Variants in TLK1 observed in about 807,000 individuals in gnomAD.
The protein encoded by TLK1 is serine/threonine-protein kinase tousled-like 1.
Under a neutral mutation model 105.3 loss-of-function variants are expected in TLK1, and 24 were observed. That is an observed-to-expected ratio of 0.23 (90% CI 0.17 to 0.32). TLK1 has a LOEUF of 0.32. Ranked by LOEUF, TLK1 falls within the 10% of genes least tolerant of loss-of-function variation. The pLI is 1.00. For synonymous variants in TLK1, 321 were observed against 310.4 expected, an observed-to-expected ratio of 1.03 and a Z score of -0.36; for missense variants, 558 against 910.5, an observed-to-expected ratio of 0.61 and a Z score of 4.98.
chr2:171,182,345 C>T lies in TLK1; in HGVS notation c.-6+48800G>A, dbSNP rs574742575. 6.6e-5 allele frequency among the ~76,000 whole-genome samples: 10 copies of T among 152,168 alleles called. No individual in the cohort carries two copies. In the South Asian group the frequency reaches 2.1e-3, roughly 32 times the overall value. On this transcript the variant is annotated intron_variant, in intron 1 of 20. Coordinates refer to the TLK1 transcript ENST00000521943. The stretch of plus-strand genomic sequence containing the variant: ...AATTTCTCAGAAACCTGGCATATAC[C>T]ATCTTAATCAACTGATCAAATTAAT...
intron 1 of TLK1, among the ~76,000 whole-genome samples, chr2:171,137,875 G>A (rs6710714): frequency 0.39 from 58,233 of 150,710 alleles, 12,470 homozygotes; most frequent in African/African-American, 0.55. Flanking sequence ...AAATAAAAAA[G>A]TAAAAAATAA....
intron 11 of TLK1, among the ~76,000 whole-genome samples, chr2:171,040,802 C>G (rs1406576735): frequency 6.6e-6 from 1 of 152,048 alleles, no homozygotes; most frequent in African/African-American, 2.4e-5. Context: ...GTCTCAAACT[C>G]CTAGGCTCAA....
intron 3 of TLK1, among the ~76,000 whole-genome samples, chr2:171,080,386 A>C (rs1228326087): frequency 6.6e-6 from 1 of 151,736 alleles, no homozygotes; most frequent in African/African-American, 2.4e-5. Flanking sequence ...TCTATCCTGC[A>C]ACTGTTTCTT....
At chr2:171,075,033 AAAG>A (rs1688438444) in intron 3 of TLK1, among the ~76,000 whole-genome samples, 1 of 152,236 alleles carries the variant, frequency 6.6e-6, no homozygotes, top group South Asian at 2.1e-4. Flanking sequence ...TTAAAAAAAA[AAAG>A]ATTTCTCCAG....
At chr2:171,090,661 T>G (rs1371504737) in intron 2 of TLK1, among the ~76,000 whole-genome samples, 2 of 152,236 alleles carry the variant, frequency 1.3e-5, no homozygotes, top group African/African-American at 4.8e-5. Context: ...GTATTAATTC[T>G]TTGGAGACTA....
intron 1 of TLK1, among the ~76,000 whole-genome samples, chr2:171,138,526 A>G (rs1400718718): frequency 2.0e-5 from 3 of 152,226 alleles, no homozygotes. Flanking sequence ...GAAGAAAATT[A>G]GTCCAAAGAA....
chr2:171,224,718 A>G (rs1693867881), intron 1 of TLK1, among the ~76,000 whole-genome samples: 1 of 152,192 alleles, frequency 6.6e-6, no homozygotes, highest in Admixed American at 6.5e-5. Flanking sequence ...CCTAAAATTT[A>G]TATGGAAATG....
At chr2:171,037,470 A>AC (rs1308504431) in intron 11 of TLK1, among the ~76,000 whole-genome samples, 1 of 151,054 alleles carries the variant, frequency 6.6e-6, no homozygotes, top group Non-Finnish European at 1.5e-5. Flanking sequence ...AGGCATGATG[A>AC]CCCAAGAGTA....
chr2:171,030,407 T>C (rs748762327), intron 11 of TLK1, among the ~76,000 whole-genome samples: 7 of 152,206 alleles, frequency 4.6e-5, no homozygotes, highest in Non-Finnish European at 7.3e-5. Context: ...CAATAGTTGA[T>C]AGCTGTAGCA....
intron 1 of TLK1, among the ~76,000 whole-genome samples, chr2:171,152,229 AT>A (rs1485579198): frequency 6.6e-6 from 1 of 152,270 alleles, no homozygotes; most frequent in East Asian, 1.9e-4. Context: ...AGGAAAAAAT[AT>A]TTTAAGTCAT....
At chr2:171,192,522 A>AC (rs1221350693) in intron 1 of TLK1, among the ~76,000 whole-genome samples, 2 of 151,298 alleles carry the variant, frequency 1.3e-5, no homozygotes, top group Admixed American at 6.6e-5. Context: ...TACTAAAAAT[A>AC]AAAAAAAATT....
intron 1 of TLK1, among the ~76,000 whole-genome samples, chr2:171,193,700 ATTTTTTTTTTTTTTT>A (rs35175399): frequency 1.5e-5 from 1 of 64,634 alleles, no homozygotes; most frequent in Non-Finnish European, 2.8e-5. Flanking sequence ...AGCGCCTGGC[ATTTTTTTTTTTTTTT>A]TTTTTTTTTT....
chr2:171,135,058 T>C (rs1394523971), intron 1 of TLK1, among the ~76,000 whole-genome samples: 1 of 151,956 alleles, frequency 6.6e-6, no homozygotes, highest in East Asian at 1.9e-4. Flanking sequence ...GCAGAAAGAA[T>C]AGTGGTTACC....
intron 20 of TLK1, chr2:170,994,717 G>A: frequency 1.9e-6 from 1 of 517,568 alleles, no homozygotes. Flanking sequence ...TCGAACCTGG[G>A]TTAACCTTTA....
Position 170,991,001 on chromosome 2 carries a change from TG to T in TLK1, c.*2778del, listed in dbSNP as rs1683760221. The T allele has an allele frequency of 7.9e-6, 1 of 125,880 alleles. No individual in the cohort carries two copies. The highest frequency in any genetic ancestry group is 1.8e-5 in the Non-Finnish European group (1 of 54,688). The allele number at this position is 125,880 out of a possible 1,614,324, so 7.8% of individuals were successfully genotyped here. On this transcript the variant is annotated 3_prime_UTR_variant, in exon 21 of 21. Transcript: ENST00000431350. Reference sequence around the variant, plus strand: ...TGTTTTAGAAGGAGATGGTAGTGAGTGTTTAAAAAAAAAAAAAAGATTGAGT... The same window carrying T: ...TGTTTTAGAAGGAGATGGTAGTGAGTTTTAAAAAAAAAAAAAAGATTGAGT...
chr2:171,152,912 T>A (rs1458762151), intron 1 of TLK1, among the ~76,000 whole-genome samples: 1 of 152,006 alleles, frequency 6.6e-6, no homozygotes, highest in Non-Finnish European at 1.5e-5. Context: ...AAAACTTATC[T>A]TAAAAAAATG....
chr2:171,196,216 A>G (rs1693272937), intron 1 of TLK1, among the ~76,000 whole-genome samples: 1 of 151,418 alleles, frequency 6.6e-6, no homozygotes, highest in African/African-American at 2.4e-5. Flanking sequence ...TCCCGGGTTC[A>G]AGTGATTCTA....
chr2:171,073,060 T>C (rs911057537), intron 3 of TLK1, among the ~76,000 whole-genome samples: 14 of 152,214 alleles, frequency 9.2e-5, no homozygotes, highest in African/African-American at 2.9e-4. Flanking sequence ...TTTTTTAATA[T>C]TGATTTTGTA....
At chr2:171,060,098 T>C (rs1056817664) in intron 4 of TLK1, 64 of 1,501,544 alleles carry the variant, frequency 4.3e-5, no homozygotes, top group Non-Finnish European at 5.6e-5. Flanking sequence ...GTGAGGAAGG[T>C]GAAACAAGAA....
Sources: gnomAD v4.1 joint callset for allele counts (sites outside exome capture counted in the v4.1 genomes callset) on GRCh38, gnomAD v4.1.1 for gene constraint, MANE v1.5 for transcripts, NCBI Gene and HGNC (gene_info 2026-07-23, HGNC 2026-07-21) for gene names.